Variants in SCAMP5 observed in about 807,000 individuals in gnomAD.
SCAMP5 encodes secretory carrier membrane protein 5, also known as secretory carrier-associated membrane protein 5.
SCAMP5 carries 7 observed loss-of-function variants against 28.3 expected under a neutral mutation model. The observed-to-expected ratio is 0.25, with a 90% CI of 0.14 to 0.46. SCAMP5 has a LOEUF of 0.46. Ranked by LOEUF, SCAMP5 falls within the 20% of genes least tolerant of loss-of-function variation. SCAMP5 has a pLI of 0.99. For synonymous variants in SCAMP5, 117 were observed against 116.4 expected (o/e 1.00, Z -0.03); for missense variants, 192 against 312.5 (o/e 0.61, Z 2.91).
rs567064196 is a variant in SCAMP5, at chr15:75,018,358, C to T, written c.396-60C>T. On this transcript the variant is annotated intron_variant, in intron 5 of 6. Transcript: ENST00000425597. This position sits in a 1 kb window ranked among gnomAD's most constrained non-coding sequence, Gnocchi z 5.6. ...GCAATGAGACGGTCCCTTCCTCTAG[C>T]GGGGGGCTCCTGGGCACCTCTTATC... 7.7e-5 allele frequency: 78 copies of T among 1,008,894 alleles called. No homozygotes were observed. The East Asian group carries it at 1.4e-3, about 18-fold the overall frequency. 62.5% of individuals were successfully genotyped at this position (1,008,894 alleles called of 1,614,324 possible). A position where few individuals can be genotyped will look rare whatever the true frequency, so the allele number is the denominator to read the frequency against.
Position 75,019,117 on chromosome 15 carries a change from T to C in SCAMP5, c.*134T>C. On this transcript the variant is annotated 3_prime_UTR_variant, in exon 7 of 7. Transcript: ENST00000425597. ...CCCTACTTTGTACAAAGGACCAGAG[T>C]TATATATATATATATATGTATATGT... 2.1e-6 allele frequency: 1 copy of C among 485,294 alleles called. No homozygotes were observed. The allele number at this position is 485,294 out of a possible 1,614,324, so 30.1% of individuals were successfully genotyped here.
At chr15:75,007,329 G>A (rs1020288446) in intron 1 of SCAMP5, among the ~76,000 whole-genome samples, 1 of 152,134 alleles carries the variant, frequency 6.6e-6, no homozygotes, top group East Asian at 1.9e-4. Flanking sequence ...AAGCTTTAGA[G>A]TCGTCACAGC....
At chr15:75,014,145 C>G (rs146875649) in intron 3 of SCAMP5, among the ~76,000 whole-genome samples, 2 of 152,300 alleles carry the variant, frequency 1.3e-5, no homozygotes, top group Non-Finnish European at 2.9e-5. Flanking sequence ...ACTTAGCTGC[C>G]TACCTGGGCA....
intron 1 of SCAMP5, among the ~76,000 whole-genome samples, chr15:75,001,057 G>A (rs1316511109): frequency 3.3e-5 from 5 of 150,498 alleles, no homozygotes; most frequent in African/African-American, 9.8e-5. Context: ...TCAGGAGATC[G>A]ATACTAGCCG....
intron 1 of SCAMP5, among the ~76,000 whole-genome samples, chr15:74,999,299 T>G (rs2141421832): frequency 6.6e-6 from 1 of 152,292 alleles, no homozygotes; most frequent in African/African-American, 2.4e-5. Context: ...CCTCAACCAC[T>G]TTGCCACTTT....
At chr15:75,015,597 ACTT>A (rs764128615) in intron 3 of SCAMP5, among the ~76,000 whole-genome samples, 2 of 152,050 alleles carry the variant, frequency 1.3e-5, no homozygotes, top group African/African-American at 4.8e-5. Flanking sequence ...GCAAAGGAAG[ACTT>A]CTTCAAGGAG....
At chr15:75,011,924 T>C in intron 2 of SCAMP5, 78 bp downstream of exon 2, 1 of 1,233,032 alleles carries the variant, frequency 8.1e-7, no homozygotes, top group Non-Finnish European at 1.2e-6. Context: ...GGTTCCCTTA[T>C]CTCCCCTAGT....
At chr15:75,005,805 A>C (rs1393449508) in intron 1 of SCAMP5, among the ~76,000 whole-genome samples, 1 of 151,538 alleles carries the variant, frequency 6.6e-6, no homozygotes, top group Non-Finnish European at 1.5e-5. Flanking sequence ...TCTTACTGCA[A>C]CCTCCGCCTC....
intron 3 of SCAMP5, 71 bp from the exon 4 acceptor site, chr15:75,016,522 C>A: frequency 6.9e-7 from 1 of 1,440,544 alleles, no homozygotes; most frequent in Non-Finnish European, 9.5e-7. Context: ...TGCCCATGTC[C>A]GGGTGCTCAT....
chr15:75,016,829 C>CTTTT, intron 4 of SCAMP5, 80 bp downstream of exon 4: 3 of 979,850 alleles, frequency 3.1e-6, no homozygotes, highest in Non-Finnish European at 4.3e-6. Context: ...TTTCTCACTT[C>CTTTT]TTTTTTTTTT....
At chr15:75,001,588 C>T (rs1014018859) in intron 1 of SCAMP5, among the ~76,000 whole-genome samples, 8 of 151,554 alleles carry the variant, frequency 5.3e-5, no homozygotes, top group African/African-American at 1.5e-4. Context: ...CAAACCTAGG[C>T]GGCCAGGCAC....
rs1217277770 is a variant in SCAMP5 at position 75,018,887 on chromosome 15, C to G, written c.612C>G (p.Ala204=). Residue 204 remains alanine, a synonymous_variant, in exon 7 of 7, where the codon GCC becomes GCG. Transcript: ENST00000425597. This position sits in a 1 kb window ranked among gnomAD's most constrained non-coding sequence, Gnocchi z 5.6. The part of the protein sequence containing the change: ...AWKNPHVQQA[A]QNAAMGAAQG... ...AGAATCCACATGTGCAGCAGGCAGC[C>G]CAGAACGCAGCCATGGGGGCAGCCC... The G allele has an allele frequency of 1.3e-6, 2 of 1,588,572 alleles. No homozygotes were observed. Among genetic ancestry groups the G allele is most frequent in the East Asian group, 4.5e-5 (2 of 44,674 alleles).
In SCAMP5 at chr15:75,012,812, G is replaced by A; in HGVS notation, c.136+7G>A. 6.2e-7 allele frequency: 1 copy of A among 1,613,996 alleles called. No individual in the cohort carries two copies. Among genetic ancestry groups the A allele is most frequent in the Non-Finnish European group, 8.5e-7 (1 of 1,179,850 alleles). On this transcript the variant is annotated splice_region_variant and intron_variant, in intron 3 of 6. Transcript: ENST00000425597. ...CTCTACTACCTCTGGATGTGTGAGT[G>A]CCATGGGATGGGGGTGGGCCAGGGT...
chr15:74,996,144 C>A lies in SCAMP5; in HGVS notation c.-49+471C>A, dbSNP rs1357884770. On this transcript the variant is annotated intron_variant, in intron 1 of 6. Coordinates refer to ENST00000425597, the MANE Select transcript of SCAMP5 (RefSeq NM_138967.4). This position sits in a 1 kb window ranked among gnomAD's most constrained non-coding sequence, Gnocchi z 4.1. ...CTGCAGGTGGACCCGGGTTGACTTC[C>A]CTCACCTCCCTCGGGCGGCCGACCT... 1.3e-5 allele frequency: 2 copies of A among 152,372 alleles called. No homozygotes were observed. Among genetic ancestry groups the A allele is most frequent in the East Asian group, 3.8e-4 (2 of 5,206 alleles). 9.4% of individuals were successfully genotyped at this position (152,372 alleles called of 1,614,324 possible).
At chr15:75,015,207 C>T (rs769337366) in intron 3 of SCAMP5, among the ~76,000 whole-genome samples, 6 of 152,116 alleles carry the variant, frequency 3.9e-5, no homozygotes, top group Non-Finnish European at 7.4e-5. Context: ...GAAGACAGGA[C>T]CACAGATGCC....
rs748715343 is a variant in SCAMP5 at position 75,020,598 on chromosome 15, T to A, written c.*1615T>A. 3.3e-5 allele frequency: 5 copies of A among 152,354 alleles called. No homozygotes were observed. Among genetic ancestry groups the A allele is most frequent in the Admixed American group, 2.0e-4 (3 of 15,290 alleles). The allele number at this position is 152,354 out of a possible 1,614,324, so 9.4% of individuals were successfully genotyped here. A position where few individuals can be genotyped will look rare whatever the true frequency, so the allele number is the denominator to read the frequency against. On this transcript the variant is annotated 3_prime_UTR_variant, in exon 7 of 7. Coordinates refer to ENST00000425597, the MANE Select transcript of SCAMP5 (RefSeq NM_138967.4). Reference sequence around the variant, plus strand: ...AGTGGTTTTAGGCCCGTGGGGCTGTTCTGTTCCAAGCAGTGTGAGAACATG... The same window carrying A: ...AGTGGTTTTAGGCCCGTGGGGCTGTACTGTTCCAAGCAGTGTGAGAACATG...
intron 4 of SCAMP5, 40 bp downstream of exon 4, chr15:75,016,789 G>T: frequency 6.5e-7 from 1 of 1,547,722 alleles, no homozygotes. Flanking sequence ...AGCCGTCTCT[G>T]CCCATCTCCC....
intron 1 of SCAMP5, among the ~76,000 whole-genome samples, chr15:75,004,055 C>G (rs574281822): frequency 6.6e-6 from 1 of 152,198 alleles, no homozygotes; most frequent in East Asian, 1.9e-4. Flanking sequence ...CAGGCATGCA[C>G]CACCATGCCC....
intron 3 of SCAMP5, 123 bp from the exon 4 acceptor site, chr15:75,016,470 C>A: frequency 1.2e-6 from 1 of 857,962 alleles, no homozygotes; most frequent in Non-Finnish European, 1.8e-6. Flanking sequence ...CGCTGTTGGC[C>A]TGGCTTGATT....
Sources: allele counts gnomAD v4.1 joint callset (sites outside exome capture counted in the v4.1 genomes callset), GRCh38; gene constraint gnomAD v4.1.1; non-coding constraint Gnocchi (gnomAD v3.1); transcripts MANE v1.5; gene names NCBI Gene and HGNC (gene_info 2026-07-23, HGNC 2026-07-21).